GAS7: variants seen among roughly 807,000 people sequenced by gnomAD.
GAS7 encodes growth arrest specific 7.
In GAS7, 28 loss-of-function variants were observed where a neutral mutation model predicts 71.1. The observed-to-expected ratio is 0.39, with a 90% CI of 0.29 to 0.54. The LOEUF (loss-of-function observed/expected upper bound fraction) is 0.54, where lower values mean the gene tolerates loss of function less well. Ranked by LOEUF, GAS7 falls within the 20% of genes least tolerant of loss-of-function variation. The pLI is 0.62. For missense variants in GAS7, 436 were observed against 627.8 expected, an observed-to-expected ratio of 0.69 and a Z score of 3.27; for synonymous variants, 258 against 245.8, an observed-to-expected ratio of 1.05 and a Z score of -0.46.
At chr17:10,070,837 G>A (rs1039624571) in intron 1 of GAS7, among the ~76,000 whole-genome samples, 7 of 152,080 alleles carry the variant, frequency 4.6e-5, no homozygotes, top group African/African-American at 1.7e-4. Flanking sequence ...CTATGGGACA[G>A]AGGTTGGGGT....
At chr17:10,102,604 C>T (rs751556122) in intron 1 of GAS7, among the ~76,000 whole-genome samples, 6 of 152,124 alleles carry the variant, frequency 3.9e-5, no homozygotes, top group Admixed American at 2.6e-4. Flanking sequence ...CAGTGGTCAT[C>T]CCCTGACCTG....
intron 1 of GAS7, among the ~76,000 whole-genome samples, chr17:10,110,249 C>A (rs2073798493): frequency 1.3e-5 from 2 of 151,974 alleles, no homozygotes; most frequent in South Asian, 4.2e-4. Context: ...TTAGCAGCAA[C>A]ATGAACGGAA....
chr17:10,157,930 C>G (rs979695206), intron 1 of GAS7, among the ~76,000 whole-genome samples: 1 of 152,182 alleles, frequency 6.6e-6, no homozygotes, highest in African/African-American at 2.4e-5. Context: ...ATTGCTTGAG[C>G]CCAGGAGATT....
At position 10,046,785 on chromosome 17, in the gene GAS7, A is replaced by G. The variant is rs186515451; in HGVS notation, c.184-26888T>C. Among the ~76,000 whole-genome samples the G allele has an allele frequency of 6.4e-3, 441 of 68,786 alleles. 13 individuals are homozygous for G. The highest frequency in any genetic ancestry group is 0.017 in the African/African-American group (199 of 11,646). The allele number at this position is 68,786 out of a possible 152,430, so 45.1% of individuals were successfully genotyped here. ...AAAGAAAGAAGAGAAAGAAAGAAAG[A>G]AAGGAAGGAAGGAAGGAAGGAAGGA... On this transcript the variant is annotated intron_variant, in intron 1 of 13. Transcript: ENST00000432992.
chr17:10,005,179 ATGTG>A (rs907522703), intron 2 of GAS7, among the ~76,000 whole-genome samples: 21 of 120,070 alleles, frequency 1.7e-4, no homozygotes, highest in African/African-American at 4.8e-4. Context: ...GCATGCATGT[ATGTG>A]TATGTGCACG....
intron 1 of GAS7, among the ~76,000 whole-genome samples, chr17:10,127,960 T>G (rs1597807793): frequency 6.6e-6 from 1 of 152,188 alleles, no homozygotes; most frequent in Non-Finnish European, 1.5e-5. Context: ...CCTAAACATC[T>G]GGGGCTTAGC....
intron 1 of GAS7, among the ~76,000 whole-genome samples, chr17:10,053,848 G>A (rs2073097768): frequency 6.6e-6 from 1 of 152,150 alleles, no homozygotes; most frequent in Non-Finnish European, 1.5e-5. Context: ...AGAGGTGCTG[G>A]CGTCCTATCC....
chr17:10,153,209 C>CA (rs1482774172), intron 1 of GAS7, among the ~76,000 whole-genome samples: 13 of 14,140 alleles, frequency 9.2e-4, no homozygotes, highest in Middle Eastern at 0.045. Context: ...GCCTCCGTCT[C>CA]AAAAAAAAAA....
At chr17:10,126,587 TTCAC>T (rs2073952736) in intron 1 of GAS7, among the ~76,000 whole-genome samples, 1 of 141,554 alleles carries the variant, frequency 7.1e-6, no homozygotes, top group Non-Finnish European at 1.5e-5. Flanking sequence ...AACACACACA[TTCAC>T]ACACACACGC....
intron 1 of GAS7, among the ~76,000 whole-genome samples, chr17:10,090,960 G>T (rs2073575767): frequency 1.3e-5 from 2 of 152,084 alleles, no homozygotes; most frequent in Admixed American, 1.3e-4. Context: ...AGCCAAGAAG[G>T]CTTTTCTCTC....
Position 9,912,283 on chromosome 17 carries a change from C to T in GAS7, c.*4945G>A, listed in dbSNP as rs1323862058. ...CACGATTGTGCAGATGAGAGCCAGACACAGCATGAACACGTGTACAGGGTA... is the reference window on the plus strand; with the variant it reads ...CACGATTGTGCAGATGAGAGCCAGATACAGCATGAACACGTGTACAGGGTA... On this transcript the variant is annotated 3_prime_UTR_variant, in exon 14 of 14. Coordinates refer to ENST00000432992, the MANE Select transcript of GAS7 (RefSeq NM_201433.2). 1.7e-5 allele frequency: 4 copies of T among 232,954 alleles called. No individual in the cohort carries two copies. The highest frequency in any genetic ancestry group is 6.0e-5 in the East Asian group (1 of 16,544). 14.4% of individuals were successfully genotyped at this position (232,954 alleles called of 1,614,324 possible). A position where few individuals can be genotyped will look rare whatever the true frequency, so the allele number is the denominator to read the frequency against.
chr17:10,164,946 C>T lies in GAS7; in HGVS notation c.183+33262G>A, dbSNP rs558823356. Among the ~76,000 whole-genome samples the T allele has an allele frequency of 2.1e-4, 31 of 150,716 alleles. No homozygotes were observed. The South Asian group carries it at 6.5e-3, about 32-fold the overall frequency. Reference sequence around the variant, plus strand: ...GGCGGATCACCTGAGGTCAGGAGTTCGAGACCAGCCTGGCCAACATGGTGA... The same window carrying T: ...GGCGGATCACCTGAGGTCAGGAGTTTGAGACCAGCCTGGCCAACATGGTGA... On this transcript the variant is annotated intron_variant, in intron 1 of 13. Transcript: ENST00000432992.
chr17:10,085,485 C>A (rs2073507455), intron 1 of GAS7, among the ~76,000 whole-genome samples: 1 of 152,054 alleles, frequency 6.6e-6, no homozygotes. Flanking sequence ...AGACTGAGAC[C>A]ATCCTGGCTA....
At chr17:10,192,497 G>GA (rs1243055546) in intron 1 of GAS7, among the ~76,000 whole-genome samples, 2 of 152,130 alleles carry the variant, frequency 1.3e-5, no homozygotes, top group African/African-American at 4.8e-5. Context: ...CACACCATCA[G>GA]AAAAAAGCTG....
intron 2 of GAS7, among the ~76,000 whole-genome samples, chr17:10,016,851 G>A (rs2072044099): frequency 6.6e-6 from 1 of 150,586 alleles, no homozygotes; most frequent in South Asian, 2.1e-4. Flanking sequence ...TCAGGAGGCT[G>A]AGGTGGGAGG....
chr17:10,099,457 G>A (rs867104383), intron 1 of GAS7, among the ~76,000 whole-genome samples: 4 of 152,172 alleles, frequency 2.6e-5, no homozygotes, highest in Admixed American at 6.5e-5. Flanking sequence ...TAAGTGATCC[G>A]AGAGCAGCAT....
Position 10,153,380 on chromosome 17 carries a change from G to A in GAS7, c.183+44828C>T, listed in dbSNP as rs944259957. ...AAAAATACAAAAATTAGCCGGGTGT[G>A]GTGGCGGGTGCCTGTAACCCAGCTA... is the stretch of plus-strand genomic sequence containing the variant. On this transcript the variant is annotated intron_variant, in intron 1 of 13. Transcript: ENST00000432992. Among the ~76,000 whole-genome samples the A allele has an allele frequency of 4.6e-5, 7 of 151,928 alleles. No individual in the cohort carries two copies. The East Asian group carries it at 1.4e-3, about 30-fold the overall frequency.
intron 1 of GAS7, among the ~76,000 whole-genome samples, chr17:10,083,774 T>C (rs34984805): frequency 0.5 from 75,268 of 152,048 alleles, 19,122 homozygotes; most frequent in African/African-American, 0.57. Flanking sequence ...TGCATGCTGA[T>C]TGGTTTGTGA....
Position 10,029,861 on chromosome 17 carries a change from A to C in GAS7, c.184-9964T>G, listed in dbSNP as rs755841597. Reference sequence around the variant, plus strand: ...AGCGAGACTCCGTCTCAAAAAAAAAACAATAATAATAATAATTATAATTAT... The same window carrying C: ...AGCGAGACTCCGTCTCAAAAAAAAACCAATAATAATAATAATTATAATTAT... On this transcript the variant is annotated intron_variant, in intron 1 of 13. Transcript: ENST00000432992. Among the ~76,000 whole-genome samples, 92 of 151,912 alleles carry C rather than the reference A, an allele frequency of 6.1e-4. 2 individuals carry two copies. Among genetic ancestry groups the C allele is most frequent in the Non-Finnish European group, 1.2e-3 (80 of 67,968 alleles).
Sources: gnomAD v4.1 joint callset for allele counts (sites outside exome capture counted in the v4.1 genomes callset) on GRCh38, gnomAD v4.1.1 for gene constraint, MANE v1.5 for transcripts, NCBI Gene and HGNC (gene_info 2026-07-23, HGNC 2026-07-21) for gene names.